The following IL36RN variants were observed in gnomAD, a reference collection of about 807,000 sequenced individuals.
The protein encoded by IL36RN is interleukin 36 receptor antagonist.
Under a neutral mutation model 13.0 loss-of-function variants are expected in IL36RN, and 11 were observed. That is an observed-to-expected ratio of 0.85 (90% CI 0.53 to 1.40). The LOEUF (loss-of-function observed/expected upper bound fraction) is 1.40. Among genes scored for constraint, IL36RN ranks in the 40% most tolerant of loss-of-function variants. IL36RN has a pLI of 0.00. For synonymous variants in IL36RN, 94 were observed against 84.1 expected (o/e 1.12, Z -0.64); for missense variants, 195 against 195.3 (o/e 1.00, Z 0.01).
rs780092663 is a variant in IL36RN at position 113,064,561 on chromosome 2, A to G, written c.*1884A>G. On this transcript the variant is annotated 3_prime_UTR_variant, in exon 5 of 5. Transcript: ENST00000393200. ...CTCGCTCTGGGGGAAGCTAGCTGCCATGCTATGAGCAGGCCTATAAAGAGA... is the reference window on the plus strand; with the variant it reads ...CTCGCTCTGGGGGAAGCTAGCTGCCGTGCTATGAGCAGGCCTATAAAGAGA... The G allele has an allele frequency of 1.3e-5, 2 of 152,210 alleles. No individual in the cohort carries two copies. The highest frequency in any genetic ancestry group is 6.5e-5 in the Admixed American group (1 of 15,284). 9.4% of individuals were successfully genotyped at this position (152,210 alleles called of 1,614,324 possible). A position where few individuals can be genotyped will look rare whatever the true frequency, so the allele number is the denominator to read the frequency against.
rs1281125408 is a variant in IL36RN at position 113,062,161 on chromosome 2, T to G, written c.153T>G (p.Asp51Glu). 1.2e-6 allele frequency: 2 copies of G among 1,613,890 alleles called. No individual in the cohort carries two copies. The highest frequency in any genetic ancestry group is 1.7e-6 in the Non-Finnish European group (2 of 1,179,938). ...EISVVPNRWL[D>E]ASLSPVILGV... The stretch of plus-strand genomic sequence containing the variant: ...GCGTGGTCCCCAATCGGTGGCTGGA[T>G]GCCAGCCTGTCCCCCGTCATCCTGG... The change falls in exon 4 of 5, where the codon GAT becomes GAG. Residue 51 changes from aspartate to glutamate, a missense_variant. Transcript: ENST00000393200.
At chr2:113,059,947 A>G (rs949700984) in intron 2 of IL36RN, among the ~76,000 whole-genome samples, 4 of 152,212 alleles carry the variant, frequency 2.6e-5, no homozygotes, top group African/African-American at 7.2e-5. Flanking sequence ...ACAACAGAGG[A>G]TGAGAGTGGT....
intron 4 of IL36RN, 32 bp from the exon 5 acceptor site, chr2:113,062,421 C>T: frequency 6.2e-7 from 1 of 1,612,070 alleles, no homozygotes; most frequent in Non-Finnish European, 8.5e-7. Flanking sequence ...CCTGCTTCTG[C>T]CCTCACCTGA....
At chr2:113,059,079 T>C, upstream of IL36RN, 1 of 344,248 alleles carries the variant, frequency 2.9e-6, no homozygotes. Flanking sequence ...CAGCAAGTGC[T>C]TCTGGCGACT....
chr2:113,061,311 TC>T (rs1251168322), intron 3 of IL36RN, among the ~76,000 whole-genome samples: 3 of 152,276 alleles, frequency 2.0e-5, no homozygotes, highest in Middle Eastern at 3.4e-3. Flanking sequence ...TTTCTGCCTC[TC>T]CACCCTGGGT....
At chr2:113,059,626 C>A (rs1685600342) in intron 2 of IL36RN, among the ~76,000 whole-genome samples, 159 bp downstream of exon 2, 1 of 152,052 alleles carries the variant, frequency 6.6e-6, no homozygotes, top group African/African-American at 2.4e-5. Flanking sequence ...TTTTCCCAGC[C>A]TTTTTCAAAT....
chr2:113,061,972 G>A (rs906390947), intron 3 of IL36RN, 152 bp from the exon 4 acceptor site: 1 of 980,280 alleles, frequency 1.0e-6, no homozygotes, highest in Admixed American at 2.1e-5. Context: ...CAGTGGACAG[G>A]AGAAGCCATG....
rs897753117 is a variant in IL36RN at position 113,064,663 on chromosome 2, C to T, written c.*1986C>T. On this transcript the variant is annotated 3_prime_UTR_variant, in exon 5 of 5. Transcript: ENST00000393200. ...AGAAGCAGAGACTCTGTGAGATAAT[C>T]GATGTTTGTTGTTTTAAGTTGCTCA... The T allele has an allele frequency of 3.3e-5, 5 of 152,098 alleles. No individual in the cohort carries two copies. The highest frequency in any genetic ancestry group is 6.6e-5 in the Admixed American group (1 of 15,254). 9.4% of individuals were successfully genotyped at this position (152,098 alleles called of 1,614,324 possible).
intron 4 of IL36RN, 48 bp downstream of exon 4, chr2:113,062,299 C>G (rs1214196306): frequency 6.2e-7 from 1 of 1,611,822 alleles, no homozygotes; most frequent in Admixed American, 1.7e-5. Context: ...AGATGCTGAG[C>G]CTACTGAAGC....
At position 113,062,201 on chromosome 2, in the gene IL36RN, A is replaced by G; in HGVS notation, c.193A>G (p.Ser65Gly). The change falls in exon 4 of 5, where the codon AGC becomes GGC. Residue 65 changes from serine (S) to glycine (G), a missense_variant. Physicochemically the swap from Ser to Gly is moderately conservative, Grantham distance 56. Transcript: ENST00000393200. ...CGTCATCCTGGGTGTCCAGGGTGGAAGCCAGTGCCTGTCATGTGGGGTGGG... is the reference window on the plus strand; with the variant it reads ...CGTCATCCTGGGTGTCCAGGGTGGAGGCCAGTGCCTGTCATGTGGGGTGGG... ...SPVILGVQGGSQCLSCGVGQE... is the reference protein window; with the variant it reads ...SPVILGVQGGGQCLSCGVGQE... 6.2e-7 allele frequency: 1 copy of G among 1,614,042 alleles called. No homozygotes were observed. The highest frequency in any genetic ancestry group is 8.5e-7 in the Non-Finnish European group (1 of 1,179,954).
chr2:113,062,062 C>T, intron 3 of IL36RN, 62 bp from the exon 4 acceptor site: 1 of 1,591,770 alleles, frequency 6.3e-7, no homozygotes, highest in African/African-American at 1.3e-5. Context: ...CCCTAGAGCC[C>T]AGGACAGGGG....
intron 3 of IL36RN, 129 bp from the exon 4 acceptor site, chr2:113,061,995 C>T: frequency 7.9e-7 from 1 of 1,269,324 alleles, no homozygotes; most frequent in South Asian, 1.3e-5. Flanking sequence ...ATGACAGCTG[C>T]TGAGAAGCCT....
chr2:113,060,193 A>G (rs1164635031), intron 2 of IL36RN, among the ~76,000 whole-genome samples: 2 of 152,226 alleles, frequency 1.3e-5, no homozygotes, highest in African/African-American at 4.8e-5. Flanking sequence ...TTAGCCATGC[A>G]TCGACCCAAT....
chr2:113,062,800 C>A lies in IL36RN; in HGVS notation c.*123C>A. The A allele has an allele frequency of 2.3e-6, 2 of 852,622 alleles. No homozygotes were observed. Among genetic ancestry groups the A allele is most frequent in the South Asian group, 1.4e-5 (1 of 69,422 alleles). 52.8% of individuals were successfully genotyped at this position (852,622 alleles called of 1,614,324 possible). The stretch of plus-strand genomic sequence containing the variant: ...ACCCCCACGTCTGACTTAGTGGGCA[C>A]CTGACCACTTTGTCTTCTGGTTCCC... On this transcript the variant is annotated 3_prime_UTR_variant, in exon 5 of 5. Transcript: ENST00000393200.
intron 2 of IL36RN, 51 bp from the exon 3 acceptor site, chr2:113,060,801 G>A (rs1685625984): frequency 2.3e-6 from 3 of 1,316,608 alleles, no homozygotes; most frequent in Admixed American, 1.7e-5. Context: ...GGGCATGCTG[G>A]AGTGTCCACC....
In IL36RN at chr2:113,062,710, G is replaced by C; in HGVS notation, c.*33G>C. 1 of 1,583,304 alleles carries C rather than the reference G, an allele frequency of 6.3e-7. No individual in the cohort carries two copies. Among genetic ancestry groups the C allele is most frequent in the Non-Finnish European group, 8.6e-7 (1 of 1,162,622 alleles). On this transcript the variant is annotated 3_prime_UTR_variant, in exon 5 of 5. Transcript: ENST00000393200. The stretch of plus-strand genomic sequence containing the variant: ...TGCCCCCCAGAACTCCCTGGGCAGA[G>C]CCAGCTCGGGTGAGGGGTGAGTGGA...
intron 3 of IL36RN, among the ~76,000 whole-genome samples, 188 bp downstream of exon 3, chr2:113,061,125 G>T (rs2515395): frequency 6.6e-5 from 10 of 152,046 alleles, no homozygotes; most frequent in South Asian, 2.1e-4. Flanking sequence ...TGAAGACACA[G>T]GCTCTGGGGC....
chr2:113,059,147 A>G (rs1685587197), upstream of IL36RN: 3 of 489,614 alleles, frequency 6.1e-6, no homozygotes, highest in Non-Finnish European at 1.1e-5. Flanking sequence ...TGGCAGTTTC[A>G]GGGCCCCTCC....
chr2:113,063,166 A>C lies in IL36RN; in HGVS notation c.*489A>C. ...GGCCCAGCCCCACCTCCTTCCCTTT[A>C]ATCCTGCCACTGTCATATGCTACCT... On this transcript the variant is annotated 3_prime_UTR_variant, in exon 5 of 5. Transcript: ENST00000393200. The C allele has an allele frequency of 4.6e-6, 1 of 217,206 alleles. No individual in the cohort carries two copies. The highest frequency in any genetic ancestry group is 9.3e-6 in the Non-Finnish European group (1 of 107,506). 13.5% of individuals were successfully genotyped at this position (217,206 alleles called of 1,614,324 possible).
Sources: allele counts gnomAD v4.1 joint callset (sites outside exome capture counted in the v4.1 genomes callset), GRCh38; gene constraint gnomAD v4.1.1; transcripts MANE v1.5; gene names NCBI Gene and HGNC (gene_info 2026-07-23, HGNC 2026-07-21).